Variants in AK5 observed in about 807,000 individuals in gnomAD.
AK5 encodes adenylate kinase isoenzyme 5.
A neutral mutation model predicts 69.5 loss-of-function variants in AK5; 27 were observed. That is an observed-to-expected ratio of 0.39 (90% CI 0.29 to 0.54). The LOEUF (loss-of-function observed/expected upper bound fraction) is 0.54, where lower values mean the gene tolerates loss of function less well. AK5 is among the 20% of genes least tolerant of loss of function. AK5 has a pLI of 0.71. For missense variants in AK5, 531 were observed against 700.4 expected, an observed-to-expected ratio of 0.76 and a Z score of 2.73; for synonymous variants, 260 against 244.4, an observed-to-expected ratio of 1.06 and a Z score of -0.60.
chr1:77,555,511 C>G (rs1660056517), intron 13 of AK5, among the ~76,000 whole-genome samples: 1 of 152,170 alleles, frequency 6.6e-6, no homozygotes, highest in African/African-American at 2.4e-5. Context: ...CCAGTTCTCT[C>G]CACTTACTTA....
chr1:77,429,511 G>A (rs575883640), intron 8 of AK5, among the ~76,000 whole-genome samples: 1 of 152,290 alleles, frequency 6.6e-6, no homozygotes, highest in East Asian at 1.9e-4. Context: ...ACATTGGTGG[G>A]CAAAAGATGG....
chr1:77,325,266 A>G (rs896342340), intron 5 of AK5, among the ~76,000 whole-genome samples: 1 of 151,692 alleles, frequency 6.6e-6, no homozygotes, highest in Non-Finnish European at 1.5e-5. Flanking sequence ...CGGCCTCCCA[A>G]AGTGTTGGGA....
intron 8 of AK5, among the ~76,000 whole-genome samples, chr1:77,469,167 G>A (rs1344084254): frequency 6.6e-6 from 1 of 152,202 alleles, no homozygotes; most frequent in Non-Finnish European, 1.5e-5. Flanking sequence ...CAGTTCCACT[G>A]ATCTAGGCTG....
chr1:77,429,049 A>G (rs1410922300), intron 8 of AK5, among the ~76,000 whole-genome samples: 1 of 152,152 alleles, frequency 6.6e-6, no homozygotes, highest in Admixed American at 6.5e-5. Context: ...GAATAGTGCC[A>G]CAATAAACAT....
At chr1:77,330,487 T>G (rs534173696) in intron 5 of AK5, among the ~76,000 whole-genome samples, 3 of 152,218 alleles carry the variant, frequency 2.0e-5, no homozygotes, top group Admixed American at 6.5e-5. Flanking sequence ...GTACCATTTG[T>G]TGAAAAGACT....
At chr1:77,442,542 G>C (rs888006237) in intron 8 of AK5, among the ~76,000 whole-genome samples, 11 of 152,160 alleles carry the variant, frequency 7.2e-5, no homozygotes, top group Admixed American at 7.2e-4. Flanking sequence ...ATCCTAGCTG[G>C]GGGATAGGGT....
intron 8 of AK5, among the ~76,000 whole-genome samples, chr1:77,420,820 T>A (rs1650760705): frequency 6.6e-6 from 1 of 152,176 alleles, no homozygotes; most frequent in African/African-American, 2.4e-5. Context: ...CACCGTAAAC[T>A]AGGGATCACC....
At chr1:77,439,625 C>T (rs1652178674) in intron 8 of AK5, among the ~76,000 whole-genome samples, 1 of 151,984 alleles carries the variant, frequency 6.6e-6, no homozygotes, top group Non-Finnish European at 1.5e-5. Context: ...TTTTTTAGCC[C>T]TTGCATATGA....
At chr1:77,444,047 C>G (rs1201008094) in intron 8 of AK5, among the ~76,000 whole-genome samples, 2 of 150,544 alleles carry the variant, frequency 1.3e-5, no homozygotes, top group Non-Finnish European at 3.0e-5. Flanking sequence ...TTCACTTATT[C>G]ATCCTACATA....
chr1:77,288,302 G>T (rs1029904856), intron 2 of AK5, among the ~76,000 whole-genome samples: 1 of 152,144 alleles, frequency 6.6e-6, no homozygotes, highest in Non-Finnish European at 1.5e-5. Context: ...AATAGTATGT[G>T]CAAATTAGAA....
At chr1:77,371,331 A>G (rs1156326497) in intron 6 of AK5, 1 of 152,172 alleles carries the variant, frequency 6.6e-6, no homozygotes, top group African/African-American at 2.4e-5. Flanking sequence ...TCTATTCTCT[A>G]TGCAAGAGGA....
intron 8 of AK5, among the ~76,000 whole-genome samples, chr1:77,444,241 AT>A (rs1429878727): frequency 3.5e-5 from 1 of 28,434 alleles, no homozygotes; most frequent in Non-Finnish European, 8.7e-5. Context: ...TATAGTATAT[AT>A]ATACACAACA....
At chr1:77,362,042 T>C (rs1646874303) in intron 6 of AK5, among the ~76,000 whole-genome samples, 1 of 152,098 alleles carries the variant, frequency 6.6e-6, no homozygotes, top group Non-Finnish European at 1.5e-5. Context: ...ATCCATCTCA[T>C]AGAGTTGTTG....
At chr1:77,335,387 T>G (rs1661294619) in intron 5 of AK5, among the ~76,000 whole-genome samples, 1 of 134,062 alleles carries the variant, frequency 7.5e-6, no homozygotes, top group Non-Finnish European at 1.6e-5. Flanking sequence ...TTTTTGGGTT[T>G]TTTTTTTTTT....
chr1:77,298,640 CA>C (rs35463751), intron 5 of AK5, among the ~76,000 whole-genome samples: 36,294 of 136,844 alleles, frequency 0.27, 5,195 homozygotes, highest in Middle Eastern at 0.36. Context: ...CCCATCTCTA[CA>C]AAAAAAAAAA....
intron 13 of AK5, among the ~76,000 whole-genome samples, chr1:77,544,024 CAG>C (rs1028621576): frequency 2.6e-5 from 4 of 152,140 alleles, no homozygotes; most frequent in African/African-American, 9.7e-5. Flanking sequence ...GTGCAAACAT[CAG>C]AGAGTGTACT....
In AK5 at chr1:77,486,371, AT is replaced by A; in HGVS notation, c.1147+23del. On this transcript the variant is annotated intron_variant, in intron 10 of 13. Coordinates refer to ENST00000354567, the MANE Select transcript of AK5 (RefSeq NM_174858.3). ...ATAATTGGTGAGTAACAGCCCTTGC[AT>A]TTTCTAACAATACAATTGCTAATAA... The A allele has an allele frequency of 6.4e-7, 1 of 1,560,060 alleles. No homozygotes were observed. Among genetic ancestry groups the A allele is most frequent in the Non-Finnish European group, 8.8e-7 (1 of 1,136,278 alleles).
chr1:77,327,888 C>T (rs1660887541), intron 5 of AK5, among the ~76,000 whole-genome samples: 1 of 152,140 alleles, frequency 6.6e-6, no homozygotes, highest in Admixed American at 6.5e-5. Flanking sequence ...AGTCTCTCCC[C>T]ATCCAGTCTG....
chr1:77,325,933 G>A (rs991820502), intron 5 of AK5, among the ~76,000 whole-genome samples: 2 of 152,038 alleles, frequency 1.3e-5, no homozygotes, highest in Non-Finnish European at 2.9e-5. Context: ...CCTGTTAAAG[G>A]TACATATTAA....
Sources: allele counts gnomAD v4.1 joint callset (sites outside exome capture counted in the v4.1 genomes callset), GRCh38; gene constraint gnomAD v4.1.1; transcripts MANE v1.5; gene names NCBI Gene and HGNC (gene_info 2026-07-23, HGNC 2026-07-21).